Variants in LYRM4 observed in about 807,000 individuals in gnomAD.
LYRM4 encodes the protein LYR motif containing 4.
Under a neutral mutation model 11.7 loss-of-function variants are expected in LYRM4, and 9 were observed. The observed-to-expected ratio is 0.77, with a 90% CI of 0.46 to 1.34. LYRM4 has a LOEUF of 1.34. Among genes scored for constraint, LYRM4 ranks in the 40% most tolerant of loss-of-function variants. The pLI is 0.00. For missense variants in LYRM4, 133 were observed against 112.5 expected, an observed-to-expected ratio of 1.18 and a Z score of -0.82; for synonymous variants, 42 against 40.4, an observed-to-expected ratio of 1.04 and a Z score of -0.15.
intron 2 of LYRM4, among the ~76,000 whole-genome samples, chr6:5,178,846 A>G (rs941714859): frequency 1.5e-5 from 2 of 137,632 alleles, no homozygotes; most frequent in Non-Finnish European, 3.1e-5. Flanking sequence ...GTTTCCTCTG[A>G]TTGTACCTCA....
chr6:5,218,143 G>T, intron 1 of LYRM4: 1 of 691,286 alleles, frequency 1.4e-6, no homozygotes, highest in Non-Finnish European at 1.8e-6. Flanking sequence ...CTGGGCTCAA[G>T]CTATCCTCCT....
At chr6:5,066,973 G>C in the LYRM4 span, 2 of 961,856 alleles carry the variant, frequency 2.1e-6, no homozygotes, top group Non-Finnish European at 1.4e-6. Flanking sequence ...CCGGCCACTG[G>C]GATCCACATG....
intron 1 of LYRM4, among the ~76,000 whole-genome samples, chr6:5,242,726 ACAACAACAG>A: frequency 6.6e-6 from 1 of 151,204 alleles, no homozygotes; most frequent in Non-Finnish European, 1.5e-5. Context: ...TCTCAAAACA[ACAACAACAG>A]CAACAACATG....
the LYRM4 span, chr6:5,066,859 G>C: frequency 2.3e-6 from 2 of 880,268 alleles, no homozygotes; most frequent in Non-Finnish European, 3.6e-6. Flanking sequence ...GACAGGCCAC[G>C]GCGGTTCCTC....
rs903019627 is a variant in LYRM4, at chr6:5,244,296, A to G, written c.86+16352T>C. On this transcript the variant is annotated intron_variant, in intron 1 of 2. Transcript: ENST00000330636. ...ACATTTAAAATTGGCTAGCTAAGCC[A>G]TATGTTCTGTAGGTTGGGTGTACTG... Among the ~76,000 whole-genome samples, 19 of 152,364 alleles carry G rather than the reference A, an allele frequency of 1.2e-4. No individual in the cohort carries two copies. The South Asian group carries it at 1.4e-3, about 12-fold the overall frequency.
chr6:5,239,360 T>C (rs1763732330), intron 1 of LYRM4, among the ~76,000 whole-genome samples: 2 of 151,956 alleles, frequency 1.3e-5, no homozygotes, highest in African/African-American at 2.4e-5. Flanking sequence ...GGGTTAGGGA[T>C]GATGTGGAGT....
Position 5,108,732 on chromosome 6 carries a change from G to T in LYRM4, c.*691C>A, listed in dbSNP as rs1021512118. ...CAGGCTGGGGCTCTCTCATTCACCA[G>T]GTGTGGGGAGGGGCTTGAGCCTGCA... On this transcript the variant is annotated 3_prime_UTR_variant, in exon 3 of 3. Transcript: ENST00000330636. 2 of 955,458 alleles carry T rather than the reference G, an allele frequency of 2.1e-6. No individual in the cohort carries two copies. Among genetic ancestry groups the T allele is most frequent in the Non-Finnish European group, 2.5e-6 (2 of 802,158 alleles). 59.2% of individuals were successfully genotyped at this position (955,458 alleles called of 1,614,324 possible). A position where few individuals can be genotyped will look rare whatever the true frequency, so the allele number is the denominator to read the frequency against.
chr6:5,189,181 TATAAAAC>T (rs1409753908), intron 2 of LYRM4, among the ~76,000 whole-genome samples: 2 of 152,268 alleles, frequency 1.3e-5, no homozygotes, highest in Non-Finnish European at 2.9e-5. Context: ...GTTTTTAGAT[TATAAAAC>T]ACTATTATCG....
At chr6:5,115,975 A>T (rs1419016632) in intron 2 of LYRM4, among the ~76,000 whole-genome samples, 1 of 152,112 alleles carries the variant, frequency 6.6e-6, no homozygotes, top group Non-Finnish European at 1.5e-5. Flanking sequence ...TGAGGGGAGG[A>T]GGGAGAAGGG....
intron 2 of LYRM4, among the ~76,000 whole-genome samples, chr6:5,168,507 A>C (rs2127663699): frequency 6.6e-6 from 1 of 152,300 alleles, no homozygotes; most frequent in East Asian, 1.9e-4. Flanking sequence ...AGACTGCAGG[A>C]CACCTGGCTT....
chr6:5,195,237 A>G (rs772145490), intron 2 of LYRM4, among the ~76,000 whole-genome samples: 1 of 152,180 alleles, frequency 6.6e-6, no homozygotes, highest in Non-Finnish European at 1.5e-5. Context: ...AAGTAAAGCA[A>G]TGTACATATT....
intron 2 of LYRM4, among the ~76,000 whole-genome samples, chr6:5,206,716 G>A (rs1341502491): frequency 1.3e-5 from 2 of 152,124 alleles, no homozygotes; most frequent in Admixed American, 1.3e-4. Flanking sequence ...GAAGAGAAGT[G>A]CTTCTTAGAC....
chr6:5,062,290 T>A, the LYRM4 span, among the ~76,000 whole-genome samples: 1 of 139,936 alleles, frequency 7.1e-6, no homozygotes, highest in African/African-American at 2.8e-5. Context: ...TTGATAATAT[T>A]TATAATACAT....
chr6:5,181,679 C>A (rs925146917), intron 2 of LYRM4, among the ~76,000 whole-genome samples: 1 of 152,178 alleles, frequency 6.6e-6, no homozygotes, highest in African/African-American at 2.4e-5. Flanking sequence ...CAACTGGCCT[C>A]CCTGCCGAGC....
the LYRM4 span, among the ~76,000 whole-genome samples, chr6:5,064,658 G>A: frequency 1.3e-5 from 2 of 152,120 alleles, no homozygotes; most frequent in Admixed American, 6.5e-5. Context: ...TCTCGCCTCA[G>A]CCTCCCAAAG....
chr6:5,044,351 G>A, the LYRM4 span, among the ~76,000 whole-genome samples: 10 of 151,892 alleles, frequency 6.6e-5, no homozygotes, highest in Admixed American at 3.3e-4. Flanking sequence ...GGCTGGTCTC[G>A]AACTCCTGAC....
At chr6:5,117,427 C>A (rs185171007) in intron 2 of LYRM4, among the ~76,000 whole-genome samples, 1 of 151,948 alleles carries the variant, frequency 6.6e-6, no homozygotes, top group South Asian at 2.1e-4. Flanking sequence ...TGATGGTGTG[C>A]GCCTGTAATC....
At chr6:5,128,852 C>CT (rs1279125535) in intron 2 of LYRM4, among the ~76,000 whole-genome samples, 2 of 152,210 alleles carry the variant, frequency 1.3e-5, no homozygotes, top group Non-Finnish European at 1.5e-5. Context: ...CCGCCAGCAC[C>CT]TGGAGGGAGC....
chr6:5,242,982 C>G (rs1763974778), intron 1 of LYRM4, among the ~76,000 whole-genome samples: 1 of 151,602 alleles, frequency 6.6e-6, no homozygotes, highest in African/African-American at 2.4e-5. Flanking sequence ...ACCTTGTTAG[C>G]CAGGATGGTC....
Sources: allele counts gnomAD v4.1 joint callset (sites outside exome capture counted in the v4.1 genomes callset), GRCh38; gene constraint gnomAD v4.1.1; transcripts MANE v1.5; gene names NCBI Gene and HGNC (gene_info 2026-07-23, HGNC 2026-07-21).